The following PRICKLE1 variants were observed in gnomAD, a reference collection of about 807,000 sequenced individuals.
The protein encoded by PRICKLE1 is prickle-like protein 1.
In PRICKLE1, 14 loss-of-function variants were observed where a neutral mutation model predicts 70.2. That is an observed-to-expected ratio of 0.20 (90% CI 0.13 to 0.31). The LOEUF is 0.31. PRICKLE1 is among the 10% of genes least tolerant of loss of function. The pLI, the probability that PRICKLE1 is intolerant of heterozygous loss-of-function variation, is 1.00. For missense variants in PRICKLE1, 821 were observed against 1,026.2 expected (o/e 0.80, Z 2.73); for synonymous variants, 357 against 379.9 (o/e 0.94, Z 0.70).
intron 1 of PRICKLE1, among the ~76,000 whole-genome samples, chr12:42,565,361 A>G (rs535550284): frequency 6.6e-6 from 1 of 152,358 alleles, no homozygotes; most frequent in East Asian, 1.9e-4. Flanking sequence ...GAAACTTAAG[A>G]AAGTACTTCT....
chr12:42,553,704 T>C (rs920951455), intron 1 of PRICKLE1, among the ~76,000 whole-genome samples: 8 of 152,008 alleles, frequency 5.3e-5, no homozygotes, highest in Non-Finnish European at 1.0e-4. Context: ...GTTAAGACAA[T>C]GGCTTGTAGG....
chr12:42,533,873 G>T (rs115143702), intron 1 of PRICKLE1, among the ~76,000 whole-genome samples: 2 of 152,048 alleles, frequency 1.3e-5, no homozygotes, highest in South Asian at 2.1e-4. Context: ...ACACAAAAAC[G>T]CCCCTAACGA....
chr12:42,470,867 C>T (rs1273663453), intron 2 of PRICKLE1, among the ~76,000 whole-genome samples: 2 of 151,440 alleles, frequency 1.3e-5, no homozygotes, highest in Admixed American at 1.3e-4. Flanking sequence ...GATCGCGCCA[C>T]TGCACTCCAG....
At chr12:42,555,454 T>A (rs1292137544) in intron 1 of PRICKLE1, among the ~76,000 whole-genome samples, 1 of 152,226 alleles carries the variant, frequency 6.6e-6, no homozygotes, top group Non-Finnish European at 1.5e-5. Context: ...TAAAATCAGT[T>A]TAGCAATGTT....
At chr12:42,533,624 G>A (rs1268597129) in intron 1 of PRICKLE1, among the ~76,000 whole-genome samples, 1 of 151,994 alleles carries the variant, frequency 6.6e-6, no homozygotes, top group African/African-American at 2.4e-5. Flanking sequence ...GTGCTTGGGG[G>A]AATTGTATAA....
At chr12:42,500,031 A>C (rs1333970512) in intron 1 of PRICKLE1, among the ~76,000 whole-genome samples, 1 of 152,184 alleles carries the variant, frequency 6.6e-6, no homozygotes, top group Non-Finnish European at 1.5e-5. Context: ...GATTACAGGC[A>C]TGAGCCACCG....
intron 1 of PRICKLE1, among the ~76,000 whole-genome samples, chr12:42,521,556 C>T (rs1939708697): frequency 6.6e-6 from 1 of 152,098 alleles, no homozygotes; most frequent in Non-Finnish European, 1.5e-5. Flanking sequence ...AAAAATTAGC[C>T]TGGCATGGTG....
chr12:42,495,400 A>AAAG (rs1555233526), intron 1 of PRICKLE1, among the ~76,000 whole-genome samples: 3,623 of 136,484 alleles, frequency 0.027, 184 homozygotes, highest in African/African-American at 0.096. Flanking sequence ...AAAAAAAAAA[A>AAAG]AGAGAGAGAG....
chr12:42,510,583 A>AG (rs1440353380), intron 1 of PRICKLE1, among the ~76,000 whole-genome samples: 4 of 72,110 alleles, frequency 5.5e-5, no homozygotes, highest in Non-Finnish European at 1.2e-4. Context: ...AGAAAGCATA[A>AG]CTTTTTTTTT....
intron 1 of PRICKLE1, among the ~76,000 whole-genome samples, chr12:42,517,884 G>A (rs1462835835): frequency 6.6e-6 from 1 of 151,652 alleles, no homozygotes; most frequent in Non-Finnish European, 1.5e-5. Flanking sequence ...ATAATAGATG[G>A]GTTTCTTTCT....
At chr12:42,545,170 A>AT (rs1380945529) in intron 1 of PRICKLE1, among the ~76,000 whole-genome samples, 2 of 151,794 alleles carry the variant, frequency 1.3e-5, no homozygotes, top group Non-Finnish European at 1.5e-5. Context: ...TGCCCAGCTA[A>AT]TTTTTTTATT....
intron 2 of PRICKLE1, among the ~76,000 whole-genome samples, chr12:42,470,807 G>A (rs1038984696): frequency 1.3e-5 from 2 of 151,946 alleles, no homozygotes; most frequent in African/African-American, 4.8e-5. Flanking sequence ...TCGGGAGGCT[G>A]AGGCAGGAGA....
chr12:42,546,055 G>A lies in PRICKLE1; in HGVS notation c.-49+43410C>T, dbSNP rs140943150. Reference sequence around the variant, plus strand: ...AAAGCAATCTTTCATAAACACTGACGAACAAACATGCCAGAAAATATATAG... The same window carrying A: ...AAAGCAATCTTTCATAAACACTGACAAACAAACATGCCAGAAAATATATAG... On this transcript the variant is annotated intron_variant, in intron 1 of 7. Transcript: ENST00000345127. 4.6e-5 allele frequency among the ~76,000 whole-genome samples: 7 copies of A among 151,952 alleles called. No individual in the cohort carries two copies. In the East Asian group the frequency reaches 1.4e-3, roughly 29 times the overall value.
At chr12:42,540,204 C>T (rs1592012953) in intron 1 of PRICKLE1, among the ~76,000 whole-genome samples, 1 of 152,246 alleles carries the variant, frequency 6.6e-6, no homozygotes, top group Non-Finnish European at 1.5e-5. Context: ...ACTCCCACTT[C>T]ACTGTGGAGA....
At chr12:42,550,313 A>G (rs1021560292) in intron 1 of PRICKLE1, 14 of 138,594 alleles carry the variant, frequency 1.0e-4, no homozygotes, top group African/African-American at 3.4e-4. Flanking sequence ...AGCCTGGGCA[A>G]CAGAGCGAGA....
intron 1 of PRICKLE1, among the ~76,000 whole-genome samples, chr12:42,522,983 A>G (rs1006899234): frequency 6.4e-5 from 9 of 141,364 alleles, no homozygotes; most frequent in African/African-American, 2.4e-4. Flanking sequence ...TTTTTTTGAG[A>G]TGGAGTCCCG....
At chr12:42,536,776 C>G (rs1018769144) in intron 1 of PRICKLE1, among the ~76,000 whole-genome samples, 7 of 152,152 alleles carry the variant, frequency 4.6e-5, no homozygotes, top group Middle Eastern at 3.2e-3. Context: ...CTTCTCCTAC[C>G]TCTTCCCATC....
chr12:42,493,605 C>G (rs935273810), intron 1 of PRICKLE1, among the ~76,000 whole-genome samples: 29 of 152,164 alleles, frequency 1.9e-4, no homozygotes, highest in Non-Finnish European at 2.9e-5. Context: ...TCTGAGTAAA[C>G]TAGAAACCCA....
chr12:42,560,448 G>C (rs969683412), intron 1 of PRICKLE1, among the ~76,000 whole-genome samples: 4 of 151,814 alleles, frequency 2.6e-5, no homozygotes, highest in Non-Finnish European at 5.9e-5. Context: ...TTAATTATTT[G>C]GGTATTTACA....
Sources: gnomAD v4.1 joint callset for allele counts (sites outside exome capture counted in the v4.1 genomes callset) on GRCh38, gnomAD v4.1.1 for gene constraint, MANE v1.5 for transcripts, NCBI Gene and HGNC (gene_info 2026-07-23, HGNC 2026-07-21) for gene names.